The following ADH1A variants were observed in gnomAD, a reference collection of about 807,000 sequenced individuals.
The protein encoded by ADH1A is alcohol dehydrogenase 1A.
In ADH1A, 29 loss-of-function variants were observed where a neutral mutation model predicts 35.2. That is an observed-to-expected ratio of 0.82 (90% CI 0.61 to 1.12). ADH1A has a LOEUF of 1.12. Among genes scored for constraint, ADH1A ranks in the 50% most tolerant of loss-of-function variants. The pLI is 0.00. For missense variants in ADH1A, 469 were observed against 464.7 expected (o/e 1.01, Z -0.09); for synonymous variants, 147 against 164.8 (o/e 0.89, Z 0.83).
chr4:99,282,854 T>C (rs1166131703), intron 5 of ADH1A, among the ~76,000 whole-genome samples: 1 of 152,140 alleles, frequency 6.6e-6, no homozygotes, highest in East Asian at 1.9e-4. Context: ...GCCAATTAAA[T>C]GAGAAGCTCT....
At chr4:99,281,496 T>C (rs891797626) in intron 6 of ADH1A, among the ~76,000 whole-genome samples, 6 of 152,052 alleles carry the variant, frequency 3.9e-5, no homozygotes, top group Admixed American at 1.3e-4. Context: ...TTCTCAGCAT[T>C]TTTGGAGGGT....
At chr4:99,289,838 T>C (rs981836936) in intron 1 of ADH1A, among the ~76,000 whole-genome samples, 7 of 152,198 alleles carry the variant, frequency 4.6e-5, no homozygotes, top group Admixed American at 3.9e-4. Flanking sequence ...TTTTTGCTAA[T>C]TGTTTTCTAT....
At chr4:99,284,077 T>C (rs1392599661) in intron 5 of ADH1A, among the ~76,000 whole-genome samples, 1 of 152,204 alleles carries the variant, frequency 6.6e-6, no homozygotes, top group Non-Finnish European at 1.5e-5. Context: ...GCCTGAAGCA[T>C]GTGTAGGTGC....
chr4:99,287,136 C>T, intron 2 of ADH1A, 148 bp from the exon 3 acceptor site: 1 of 1,036,244 alleles, frequency 9.7e-7, no homozygotes. Flanking sequence ...TTCAGTTTAT[C>T]CTCAAGGTTG....
At chr4:99,289,076 C>T (rs13120422) in intron 1 of ADH1A, among the ~76,000 whole-genome samples, 41,926 of 152,036 alleles carry the variant, frequency 0.28, 7,121 homozygotes, top group Non-Finnish European at 0.39. Context: ...ATGTTTGGTT[C>T]TCCATTTCTG....
intron 1 of ADH1A, 63 bp downstream of exon 1, chr4:99,290,834 G>A: frequency 7.4e-6 from 11 of 1,486,180 alleles, no homozygotes; most frequent in South Asian, 1.1e-5. Flanking sequence ...ATCAAATACT[G>A]TATTACTTTC....
Position 99,286,021 on chromosome 4 carries a change from C to CAAAA in ADH1A, c.259+825_259+828dup, listed in dbSNP as rs397938892. Among the ~76,000 whole-genome samples, 278 of 85,250 alleles carry CAAAA rather than the reference C, an allele frequency of 3.3e-3. 12 individuals carry two copies. The highest frequency in any genetic ancestry group is 3.7e-3 in the Non-Finnish European group (170 of 45,620). The allele number at this position is 85,250 out of a possible 152,430, so 55.9% of individuals were successfully genotyped here. On this transcript the variant is annotated intron_variant, in intron 3 of 8. Transcript: ENST00000209668. ...TGGGCGACAGAGCGAGACTCCGTCTCAAAAAAAAAAAAAAAAAAAAGTGAT... is the reference window on the plus strand; with the variant it reads ...TGGGCGACAGAGCGAGACTCCGTCTCAAAAAAAAAAAAAAAAAAAAAAAAGTGAT...
intron 2 of ADH1A, 125 bp from the exon 3 acceptor site, chr4:99,287,113 C>T: frequency 8.3e-7 from 1 of 1,206,800 alleles, no homozygotes; most frequent in Non-Finnish European, 1.2e-6. Context: ...CCTACTATCC[C>T]AAGTATGAAA....
chr4:99,290,132 T>C (rs1733257804), intron 1 of ADH1A, among the ~76,000 whole-genome samples: 1 of 152,198 alleles, frequency 6.6e-6, no homozygotes, highest in Admixed American at 6.5e-5. Flanking sequence ...ACCACATGTA[T>C]TTTTGTGCAC....
Position 99,284,597 on chromosome 4 carries a change from G to A in ADH1A, c.369C>T (p.Thr123=). 1 of 1,614,196 alleles carries A rather than the reference G, an allele frequency of 6.2e-7. No individual in the cohort carries two copies. The change falls in exon 5 of 9, where the codon ACC becomes ACT. Residue 123 remains threonine, a synonymous_variant. Transcript: ENST00000209668. ...TGAACCTGCTGGTGCCATCCTGCAG[G>A]GTCCCCTGAGGATTGCTTACACTGG... The part of the protein sequence containing the change: ...LKNDVSNPQG[T]LQDGTSRFTC...
At chr4:99,279,309 G>T (rs1732940120) in intron 8 of ADH1A, 117 bp downstream of exon 8, 3 of 1,314,208 alleles carry the variant, frequency 2.3e-6, no homozygotes, top group Non-Finnish European at 3.1e-6. Flanking sequence ...GACTGAACTG[G>T]TAATGGAAGA....
chr4:99,290,920 T>G lies in ADH1A; in HGVS notation c.-6A>C. On this transcript the variant is annotated 5_prime_UTR_variant, in exon 1 of 9. Transcript: ENST00000209668. ...ACTTTTCCTGCTGTGCTCATGTTGA[T>G]TCTGTCTTCTCTGCAGACCAGGAGA... is the stretch of plus-strand genomic sequence containing the variant. 6.2e-7 allele frequency: 1 copy of G among 1,613,982 alleles called. No homozygotes were observed. The highest frequency in any genetic ancestry group is 8.5e-7 in the Non-Finnish European group (1 of 1,179,860).
intron 8 of ADH1A, chr4:99,278,397 C>T (rs1732917778): frequency 6.6e-6 from 1 of 152,090 alleles, no homozygotes; most frequent in African/African-American, 2.4e-5. Flanking sequence ...TTCCTACCAT[C>T]TGATGATTTT....
intron 6 of ADH1A, 41 bp from the exon 7 acceptor site, chr4:99,280,320 G>C: frequency 6.2e-7 from 1 of 1,611,154 alleles, no homozygotes; most frequent in Non-Finnish European, 8.5e-7. Context: ...ACATGGAGTC[G>C]CATAGTTCCT....
chr4:99,279,345 C>A, intron 8 of ADH1A, 81 bp downstream of exon 8: 1 of 1,496,306 alleles, frequency 6.7e-7, no homozygotes, highest in South Asian at 1.4e-5. Context: ...TTTTTCTCAT[C>A]CTTCCACCTT....
intron 5 of ADH1A, 35 bp downstream of exon 5, chr4:99,284,364 G>C: frequency 1.2e-6 from 2 of 1,602,886 alleles, no homozygotes; most frequent in Non-Finnish European, 8.5e-7. Context: ...GACAGTCTGC[G>C]TGTAACTGTT....
In ADH1A at chr4:99,282,335, A is replaced by G. The variant is rs752417643; in HGVS notation, c.828+11T>C. Reference sequence around the variant, plus strand: ...AGAGGCAGAAATCTCAGGGCATGTCATGGTACATACCATGGTGTCAAGCCG... The same window carrying G: ...AGAGGCAGAAATCTCAGGGCATGTCGTGGTACATACCATGGTGTCAAGCCG... On this transcript the variant is annotated intron_variant, in intron 6 of 8. Transcript: ENST00000209668. 3 of 1,614,218 alleles carry G rather than the reference A, an allele frequency of 1.9e-6. No individual in the cohort carries two copies. Among genetic ancestry groups the G allele is most frequent in the Admixed American group, 3.3e-5 (2 of 60,026 alleles).
Position 99,279,483 on chromosome 4 carries a change from T to G in ADH1A, c.1046A>C (p.His349Pro), listed in dbSNP as rs1307203098. Residue 349 changes from histidine to proline, a missense_variant, in exon 8 of 9, where the codon CAT becomes CCT. Physicochemically the swap from His to Pro is moderately conservative, Grantham distance 77. Transcript: ENST00000209668. ...ATTTATTTTTTCAAAAGGTAAAACA[T>G]GGGTTATTAATGCATCCAATGAAAA... ...KKFSLDALIT[H>P]VLPFEKINEG... is the part of the protein sequence containing the mutation. 9 of 1,611,666 alleles carry G rather than the reference T, an allele frequency of 5.6e-6. No individual in the cohort carries two copies. The highest frequency in any genetic ancestry group is 7.6e-6 in the Non-Finnish European group (9 of 1,179,196).
rs1370077242 is a variant in ADH1A at position 99,279,284 on chromosome 4, A to T, written c.1103+142T>A. 7.9e-6 allele frequency: 9 copies of T among 1,133,838 alleles called. No individual in the cohort carries two copies. In the East Asian group the frequency reaches 2.6e-4, roughly 33 times the overall value. The allele number at this position is 1,133,838 out of a possible 1,614,324, so 70.2% of individuals were successfully genotyped here. On this transcript the variant is annotated intron_variant, in intron 8 of 8. Transcript: ENST00000209668. ...ACAGAGGTTTTAAACTTCTCTTACA[A>T]GCTCTCCATGTAAAGACTGAACTGG... is the stretch of plus-strand genomic sequence containing the variant.
Sources: allele counts gnomAD v4.1 joint callset (sites outside exome capture counted in the v4.1 genomes callset), GRCh38; gene constraint gnomAD v4.1.1; transcripts MANE v1.5; gene names NCBI Gene and HGNC (gene_info 2026-07-23, HGNC 2026-07-21).